TMEM132B: variants seen among roughly 807,000 people sequenced by gnomAD.
TMEM132B encodes transmembrane protein 132B.
A neutral mutation model predicts 90.8 loss-of-function variants in TMEM132B; 18 were observed. That is an observed-to-expected ratio of 0.20 (90% CI 0.14 to 0.29). The LOEUF (loss-of-function observed/expected upper bound fraction) is 0.29. Among genes scored for constraint, TMEM132B ranks in the 10% least tolerant of loss-of-function variants. The pLI is 1.00. For synonymous variants in TMEM132B, 504 were observed against 523.3 expected, an observed-to-expected ratio of 0.96 and a Z score of 0.50; for missense variants, 1,096 against 1,326.8, an observed-to-expected ratio of 0.83 and a Z score of 2.70.
chr12:125,653,212 T>A (rs899785757), intron 8 of TMEM132B, among the ~76,000 whole-genome samples: 2 of 152,256 alleles, frequency 1.3e-5, no homozygotes, highest in African/African-American at 4.8e-5. Context: ...AGTGATATTA[T>A]CTTGAGCAGT....
intron 3 of TMEM132B, among the ~76,000 whole-genome samples, chr12:125,429,758 C>T (rs1343610159): frequency 6.6e-6 from 1 of 152,200 alleles, no homozygotes; most frequent in Non-Finnish European, 1.5e-5. Context: ...CCATTTTCAT[C>T]ATGTCGTATC....
chr12:125,347,934 A>C (rs559263827), intron 1 of TMEM132B, among the ~76,000 whole-genome samples: 2 of 152,338 alleles, frequency 1.3e-5, no homozygotes, highest in African/African-American at 4.8e-5. Context: ...AAAATAATAC[A>C]TGGTTGTAAC....
intron 2 of TMEM132B, among the ~76,000 whole-genome samples, chr12:125,374,367 A>G (rs1428523287): frequency 2.0e-5 from 3 of 152,330 alleles, no homozygotes; most frequent in South Asian, 4.1e-4. Flanking sequence ...AGGGAATTCT[A>G]AAGTATCTGG....
chr12:125,197,481 A>G (rs1351054896), intron 1 of TMEM132B, among the ~76,000 whole-genome samples: 2 of 152,220 alleles, frequency 1.3e-5, no homozygotes, highest in African/African-American at 4.8e-5. Context: ...TCAGCAAGCC[A>G]TAGGCCACGG....
In TMEM132B at chr12:125,251,404, A is replaced by C. The variant is rs961614199; in HGVS notation, c.67+64538A>C. Among the ~76,000 whole-genome samples the C allele has an allele frequency of 6.6e-6, 1 of 152,218 alleles. No individual in the cohort carries two copies. The highest frequency in any genetic ancestry group is 2.4e-5 in the African/African-American group (1 of 41,454). On this transcript the variant is annotated intron_variant, in intron 1 of 8. Coordinates refer to ENST00000682704, the MANE Select transcript of TMEM132B (RefSeq NM_001366854.1). The surrounding 1 kb of genome is among the most constrained non-coding windows in gnomAD (Gnocchi z 4.4). ...CAAGGATGGGGCTTAAGATGGAGTC[A>C]TACTTAGGTTCAGCTATATGAGCCT...
chr12:125,627,908 T>G (rs2136986870), intron 5 of TMEM132B, among the ~76,000 whole-genome samples: 1 of 152,322 alleles, frequency 6.6e-6, no homozygotes, highest in East Asian at 1.9e-4. Context: ...AGTAAGAACA[T>G]GCAATGTTTG....
intron 1 of TMEM132B, among the ~76,000 whole-genome samples, chr12:125,322,275 G>A (rs142732985): frequency 0.011 from 1,665 of 152,306 alleles, 28 homozygotes; most frequent in African/African-American, 0.037. Flanking sequence ...CTTGCCTGCC[G>A]CCATGTAAGA....
At position 125,610,242 on chromosome 12, in the gene TMEM132B, A is replaced by G. The variant is rs1163964383; in HGVS notation, c.1437+26248A>G. ...ACCTTTTATTTCATTTTCTTCCCTAATTTTCTTGGCTAGAACTTCCTGTAC... is the reference window on the plus strand; with the variant it reads ...ACCTTTTATTTCATTTTCTTCCCTAGTTTTCTTGGCTAGAACTTCCTGTAC... On this transcript the variant is annotated intron_variant, in intron 5 of 8. Transcript: ENST00000682704. Among the ~76,000 whole-genome samples, 5 of 151,716 alleles carry G rather than the reference A, an allele frequency of 3.3e-5. No homozygotes were observed. The East Asian group carries it at 7.7e-4, about 23-fold the overall frequency.
chr12:125,641,541 A>G (rs1349209773), intron 5 of TMEM132B, among the ~76,000 whole-genome samples: 1 of 152,250 alleles, frequency 6.6e-6, no homozygotes, highest in Non-Finnish European at 1.5e-5. Context: ...TGCATGTCCC[A>G]GGAGAAAAAA....
chr12:125,269,571 T>A (rs566985303), intron 1 of TMEM132B, among the ~76,000 whole-genome samples: 2 of 152,202 alleles, frequency 1.3e-5, no homozygotes, highest in African/African-American at 4.8e-5. Context: ...CCAGGATGAA[T>A]AAAAACCTTC....
Position 125,490,958 on chromosome 12 carries a change from AGAGGCCCATGTGGTGAAAGACT to A in TMEM132B, c.1107-28474_1107-28453del, listed in dbSNP as rs1369205090. On this transcript the variant is annotated intron_variant, in intron 3 of 8. Transcript: ENST00000682704. This position sits in a 1 kb window ranked among gnomAD's most constrained non-coding sequence, Gnocchi z 4.2. ...TAAGGACACTCAAGCAGCTTTATGG[AGAGGCCCATGTGGTGAAAGACT>A]GAGGCCTCCTGACAATAGCCATATG... 3.3e-5 allele frequency among the ~76,000 whole-genome samples: 5 copies of A among 152,166 alleles called. No individual in the cohort carries two copies. Among genetic ancestry groups the A allele is most frequent in the African/African-American group, 1.2e-4 (5 of 41,438 alleles).
At chr12:125,587,230 T>C (rs1461739918) in intron 5 of TMEM132B, 4 of 132,056 alleles carry the variant, frequency 3.0e-5, no homozygotes, top group East Asian at 2.2e-4. Flanking sequence ...TGTGTGTGTG[T>C]GTGCGCACAC....
intron 4 of TMEM132B, among the ~76,000 whole-genome samples, chr12:125,566,543 TGG>T: frequency 6.6e-6 from 1 of 152,314 alleles, no homozygotes. Context: ...TCAGTGGACG[TGG>T]CGGGGTTGAG....
At chr12:125,235,635 GC>G (rs1313642502) in intron 1 of TMEM132B, among the ~76,000 whole-genome samples, 1 of 151,972 alleles carries the variant, frequency 6.6e-6, no homozygotes, top group Non-Finnish European at 1.5e-5. Context: ...CTCTGCCCCA[GC>G]CCCAGCAATC....
At chr12:125,313,554 GTTTCCCCCTCCCCTCTCC>G (rs1876172455) in intron 1 of TMEM132B, among the ~76,000 whole-genome samples, 2 of 34,662 alleles carry the variant, frequency 5.8e-5, no homozygotes, top group Non-Finnish European at 1.0e-4. Context: ...CTCCCCTCCC[GTTTCCCCCTCCCCTCTCC>G]TTTCCCCTCC....
intron 1 of TMEM132B, among the ~76,000 whole-genome samples, chr12:125,203,822 G>A (rs1873121537): frequency 1.3e-5 from 2 of 152,194 alleles, no homozygotes; most frequent in African/African-American, 2.4e-5. Context: ...CAAAACCCTG[G>A]TGCATGCTGT....
chr12:125,532,302 A>G (rs1185757554), intron 4 of TMEM132B, among the ~76,000 whole-genome samples: 1 of 152,212 alleles, frequency 6.6e-6, no homozygotes, highest in Admixed American at 6.5e-5. Context: ...GGGATGAGAC[A>G]TGACAAATTT....
rs184372179 is a variant in TMEM132B, at chr12:125,571,841, G to A, written c.1294-12010G>A. ...AAGTAGAGTGAAATGTCAGTATCAG[G>A]AAATGAATGTCAATGCAAAGTGTTA... On this transcript the variant is annotated intron_variant, in intron 4 of 8. Transcript: ENST00000682704. Among the ~76,000 whole-genome samples, 208 of 152,316 alleles carry A rather than the reference G, an allele frequency of 1.4e-3. 2 individuals are homozygous for A. The highest frequency in any genetic ancestry group is 0.014 in the Middle Eastern group (4 of 294).
chr12:125,494,966 C>G (rs1882506087), intron 3 of TMEM132B, among the ~76,000 whole-genome samples: 2 of 131,108 alleles, frequency 1.5e-5, no homozygotes, highest in Admixed American at 7.6e-5. Context: ...GGATGCGTCC[C>G]TCCTCCCCCT....
Sources: allele counts gnomAD v4.1 joint callset (sites outside exome capture counted in the v4.1 genomes callset), GRCh38; gene constraint gnomAD v4.1.1; non-coding constraint Gnocchi (gnomAD v3.1); transcripts MANE v1.5; gene names NCBI Gene and HGNC (gene_info 2026-07-23, HGNC 2026-07-21).